The following KCNMA1 variants were observed in gnomAD, a reference collection of about 807,000 sequenced individuals.
KCNMA1 encodes potassium calcium-activated channel subfamily M alpha 1, also known as Calcium-activated potassium channel subunit alpha-1.
A neutral mutation model predicts 140.0 loss-of-function variants in KCNMA1; 29 were observed. The ratio of observed to expected loss-of-function variants is 0.21; its 90% CI spans 0.15 to 0.28. The LOEUF is 0.28. Among genes scored for constraint, KCNMA1 ranks in the 10% least tolerant of loss-of-function variants. The pLI, the probability that KCNMA1 is intolerant of heterozygous loss-of-function variation, is 1.00. For synonymous variants in KCNMA1, 612 were observed against 611.9 expected, an observed-to-expected ratio of 1.00 and a Z score of 0.00; for missense variants, 880 against 1,602.2, an observed-to-expected ratio of 0.55 and a Z score of 7.70.
chr10:77,400,035 TA>T (rs2096209885), intron 2 of KCNMA1, among the ~76,000 whole-genome samples: 1 of 152,108 alleles, frequency 6.6e-6, no homozygotes, highest in Non-Finnish European at 1.5e-5. Flanking sequence ...GAAAACAAAT[TA>T]AAAATTGAAA....
chr10:77,523,274 A>G (rs895891921), intron 1 of KCNMA1, among the ~76,000 whole-genome samples: 4 of 150,386 alleles, frequency 2.7e-5, no homozygotes, highest in Admixed American at 2.6e-4. Flanking sequence ...AATTATTAAC[A>G]TCAGTCACCT....
intron 1 of KCNMA1, among the ~76,000 whole-genome samples, chr10:77,425,394 G>A (rs1416595140): frequency 1.3e-5 from 2 of 152,136 alleles, no homozygotes; most frequent in African/African-American, 4.8e-5. Context: ...CCAAATAGAT[G>A]AGACTCCCCA....
Position 76,884,955 on chromosome 10 carries a change from T to G in KCNMA1, c.*2311A>C, listed in dbSNP as rs1374527127. ...CGTTATAGAAGAAAACCCCCAGCAG[T>G]GGCTAGGTCATGCAGAACCATTAAT... On this transcript the variant is annotated 3_prime_UTR_variant, in exon 28 of 28. Transcript: ENST00000286628. 1 of 1,536,210 alleles carries G rather than the reference T, an allele frequency of 6.5e-7. No individual in the cohort carries two copies. The highest frequency in any genetic ancestry group is 8.8e-7 in the Non-Finnish European group (1 of 1,140,906).
At chr10:77,297,820 A>T (rs1565814382) in intron 2 of KCNMA1, among the ~76,000 whole-genome samples, 2 of 152,130 alleles carry the variant, frequency 1.3e-5, no homozygotes. Context: ...TGGAGAAGGG[A>T]AGATGTCTTT....
intron 2 of KCNMA1, among the ~76,000 whole-genome samples, chr10:77,262,794 A>G (rs1323866552): frequency 6.6e-6 from 1 of 152,040 alleles, no homozygotes; most frequent in Non-Finnish European, 1.5e-5. Flanking sequence ...GCCAAGCAGA[A>G]GTGGGTGCCA....
chr10:77,301,534 A>C (rs1388661844), intron 2 of KCNMA1, among the ~76,000 whole-genome samples: 1 of 151,892 alleles, frequency 6.6e-6, no homozygotes, highest in Non-Finnish European at 1.5e-5. Context: ...TTCCTCTTGC[A>C]TCCATACCAA....
At chr10:77,272,037 A>C (rs533559298) in intron 2 of KCNMA1, among the ~76,000 whole-genome samples, 28 of 152,306 alleles carry the variant, frequency 1.8e-4, no homozygotes, top group African/African-American at 6.5e-4. Flanking sequence ...AGCACGACTG[A>C]GTTGTGAGCA....
intron 1 of KCNMA1, among the ~76,000 whole-genome samples, chr10:77,441,578 T>C (rs1290915086): frequency 2.0e-5 from 3 of 151,376 alleles, no homozygotes; most frequent in Non-Finnish European, 3.0e-5. Flanking sequence ...CGCAGGGTTA[T>C]ATCCAGAGAA....
At chr10:77,261,560 T>A (rs572938777) in intron 2 of KCNMA1, among the ~76,000 whole-genome samples, 1 of 152,232 alleles carries the variant, frequency 6.6e-6, no homozygotes, top group Non-Finnish European at 1.5e-5. Flanking sequence ...TTCAATATAT[T>A]CCTCCTAGGG....
chr10:76,943,192 G>T (rs542174836), intron 23 of KCNMA1, among the ~76,000 whole-genome samples: 1 of 152,200 alleles, frequency 6.6e-6, no homozygotes, highest in African/African-American at 2.4e-5. Flanking sequence ...CGGGCAGGCC[G>T]CACAGGATGC....
At chr10:76,927,244 C>T (rs2057998334) in intron 23 of KCNMA1, among the ~76,000 whole-genome samples, 1 of 152,166 alleles carries the variant, frequency 6.6e-6, no homozygotes, top group African/African-American at 2.4e-5. Flanking sequence ...GATAAAACTT[C>T]ACTTCTCAAA....
At chr10:77,207,308 C>T (rs2044466569) in intron 3 of KCNMA1, among the ~76,000 whole-genome samples, 1 of 152,102 alleles carries the variant, frequency 6.6e-6, no homozygotes, top group East Asian at 1.9e-4. Context: ...TGGAATATAA[C>T]ACATTGCATA....
At chr10:77,550,842 C>A (rs1655184346) in intron 1 of KCNMA1, among the ~76,000 whole-genome samples, 1 of 152,114 alleles carries the variant, frequency 6.6e-6, no homozygotes, top group Non-Finnish European at 1.5e-5. Flanking sequence ...CATTTCCCCC[C>A]ACAACCCAAG....
chr10:76,876,462 T>C (rs554029211), downstream of KCNMA1: 1 of 152,740 alleles, frequency 6.5e-6, no homozygotes, highest in Admixed American at 6.5e-5. Flanking sequence ...GACATCGTAA[T>C]TGCATCTGAT....
intron 10 of KCNMA1, among the ~76,000 whole-genome samples, chr10:77,086,859 G>T (rs972929999): frequency 6.6e-6 from 1 of 152,180 alleles, no homozygotes; most frequent in Non-Finnish European, 1.5e-5. Flanking sequence ...TCTTCTCTTC[G>T]GTATGAATGG....
At chr10:77,396,318 G>GAGAGAC (rs759044966) in intron 2 of KCNMA1, among the ~76,000 whole-genome samples, 4 of 152,278 alleles carry the variant, frequency 2.6e-5, no homozygotes, top group Middle Eastern at 3.4e-3. Flanking sequence ...TGAGGGGGGT[G>GAGAGAC]AGAGACAGAG....
intron 2 of KCNMA1, among the ~76,000 whole-genome samples, chr10:77,325,503 C>T (rs974194430): frequency 8.5e-5 from 13 of 152,156 alleles, no homozygotes; most frequent in Non-Finnish European, 1.3e-4. Context: ...ATGGCACTAA[C>T]ACATGTTCTC....
At chr10:77,447,088 C>T (rs900044245) in intron 1 of KCNMA1, among the ~76,000 whole-genome samples, 4 of 152,224 alleles carry the variant, frequency 2.6e-5, no homozygotes, top group South Asian at 4.1e-4. Context: ...CCCCAGCTGT[C>T]GGTTCCTTCA....
intron 1 of KCNMA1, among the ~76,000 whole-genome samples, chr10:77,453,883 C>T (rs2097709327): frequency 6.6e-6 from 1 of 152,104 alleles, no homozygotes. Context: ...AACGGTTCAC[C>T]TTCCCACCAG....
Sources: allele counts gnomAD v4.1 joint callset (sites outside exome capture counted in the v4.1 genomes callset), GRCh38; gene constraint gnomAD v4.1.1; transcripts MANE v1.5; gene names NCBI Gene and HGNC (gene_info 2026-07-23, HGNC 2026-07-21).